Variants in ABCC2 observed in about 807,000 individuals in gnomAD.
ABCC2 encodes ATP-binding cassette sub-family C member 2.
A neutral mutation model predicts 173.4 loss-of-function variants in ABCC2; 157 were observed. The ratio of observed to expected loss-of-function variants is 0.91; its 90% CI spans 0.80 to 1.03. The LOEUF is 1.03. ABCC2 is among the 50% of genes least tolerant of loss of function. The pLI is 0.00. For synonymous variants in ABCC2, 657 were observed against 693.5 expected (o/e 0.95, Z 0.83); for missense variants, 1,822 against 1,852.3 (o/e 0.98, Z 0.30).
rs1564685768 is a variant in ABCC2, at chr10:99,814,650, C to CACACATATGTGTATATACACATAT, written c.2094+1511_2094+1512insTATGTGTATATACACATATACACA. ...ACACATATGTGTATATACACATATACACACACATATGTGTATATACACATA... is the reference window on the plus strand; with the variant it reads ...ACACATATGTGTATATACACATATACACACATATGTGTATATACACATATACACACATATGTGTATATACACATA... On this transcript the variant is annotated intron_variant, in intron 16 of 31. Transcript: ENST00000647814. 4.2e-4 allele frequency among the ~76,000 whole-genome samples: 33 copies of CACACATATGTGTATATACACATAT among 77,810 alleles called. 2 individuals are homozygous for CACACATATGTGTATATACACATAT. The highest frequency in any genetic ancestry group is 1.3e-3 in the East Asian group (2 of 1,538). 51.0% of individuals were successfully genotyped at this position (77,810 alleles called of 152,430 possible).
Position 99,834,404 on chromosome 10 carries a change from C to A in ABCC2, c.3283C>A (p.Leu1095Met). The change falls in exon 24 of 32, where the codon CTG (leucine) becomes ATG (methionine). Residue 1095 changes from leucine to methionine, a missense_variant. Leu to Met is a conservative substitution (Grantham distance 15, BLOSUM62 2). Coordinates refer to ENST00000647814, the MANE Select transcript of ABCC2 (RefSeq NM_000392.5). ...GGATATTTCCACAGTGGATGACACCCTGCCTCAGTCCTTGCGCAGCTGGAT... is the reference window on the plus strand; with the variant it reads ...GGATATTTCCACAGTGGATGACACCATGCCTCAGTCCTTGCGCAGCTGGAT... ...AGDISTVDDT[L>M]PQSLRSWITC... 6.2e-7 allele frequency: 1 copy of A among 1,614,176 alleles called. No individual in the cohort carries two copies. The highest frequency in any genetic ancestry group is 1.3e-5 in the African/African-American group (1 of 75,030).
Position 99,813,142 on chromosome 10 carries a change from A to G in ABCC2, c.2092A>G (p.Lys698Glu). 1 of 1,613,512 alleles carries G rather than the reference A, an allele frequency of 6.2e-7. No individual in the cohort carries two copies. Among genetic ancestry groups the G allele is most frequent in the Non-Finnish European group, 8.5e-7 (1 of 1,179,662 alleles). The change falls in exon 16 of 32, where the codon AAG becomes GAG. Residue 698 changes from lysine (K) to glutamate (E), a missense_variant and splice_region_variant. Transcript: ENST00000647814. The part of the protein sequence containing the change: ...MENVHGHITI[K>E]GTTAYVPQQS... The stretch of plus-strand genomic sequence containing the variant: ...AAATGTCCACGGGCACATCACCATC[A>G]AGGTGAGAGGGAATGCCAATGCAAA...
chr10:99,816,711 G>A (rs1189242550), intron 16 of ABCC2, among the ~76,000 whole-genome samples: 1 of 152,208 alleles, frequency 6.6e-6, no homozygotes, highest in Non-Finnish European at 1.5e-5. Flanking sequence ...AAGGTGAGCG[G>A]CGAGCGAGCA....
At chr10:99,826,807 C>G (rs1590178171) in intron 19 of ABCC2, among the ~76,000 whole-genome samples, 12 of 97,582 alleles carry the variant, frequency 1.2e-4, no homozygotes, top group African/African-American at 3.7e-4. Context: ...GCAATGGAAT[C>G]TAATAATGTC....
intron 24 of ABCC2, among the ~76,000 whole-genome samples, chr10:99,835,475 C>G (rs1207757196): frequency 6.6e-6 from 1 of 152,120 alleles, no homozygotes; most frequent in African/African-American, 2.4e-5. Flanking sequence ...ACCCATTCCA[C>G]TCCCCCTTGC....
At chr10:99,790,106 G>C (rs1357796778) in intron 2 of ABCC2, among the ~76,000 whole-genome samples, 1 of 152,120 alleles carries the variant, frequency 6.6e-6, no homozygotes, top group Non-Finnish European at 1.5e-5. Context: ...GTGTCTATAG[G>C]ATAAATTCCC....
intron 6 of ABCC2, among the ~76,000 whole-genome samples, chr10:99,795,429 T>A (rs1048004904): frequency 2.0e-5 from 3 of 152,274 alleles, no homozygotes; most frequent in African/African-American, 7.2e-5. Flanking sequence ...CCTGGCATGG[T>A]AGCTCATGCC....
At chr10:99,828,050 T>C (rs1201179535) in intron 19 of ABCC2, among the ~76,000 whole-genome samples, 2 of 148,000 alleles carry the variant, frequency 1.4e-5, no homozygotes, top group Admixed American at 6.7e-5. Context: ...GTTCTCTGAG[T>C]TATTGCTCAG....
intron 19 of ABCC2, 77 bp from the exon 20 acceptor site, chr10:99,830,230 A>C: frequency 6.3e-7 from 1 of 1,588,274 alleles, no homozygotes; most frequent in Admixed American, 1.7e-5. Context: ...AGATCAGAGG[A>C]GGCTTCTCTC....
chr10:99,814,328 TAC>T (rs1171928853), intron 16 of ABCC2, among the ~76,000 whole-genome samples: 6 of 142,032 alleles, frequency 4.2e-5, no homozygotes, highest in Admixed American at 2.0e-4. Flanking sequence ...CACGTATGTA[TAC>T]ACACATGTAT....
At chr10:99,796,112 C>G (rs981531676) in intron 6 of ABCC2, among the ~76,000 whole-genome samples, 2 of 152,340 alleles carry the variant, frequency 1.3e-5, no homozygotes, top group African/African-American at 4.8e-5. Context: ...CCTGTAATCC[C>G]AGCACCTTGG....
chr10:99,838,112 C>T (rs1346610121), intron 25 of ABCC2, among the ~76,000 whole-genome samples: 43 of 86,760 alleles, frequency 5.0e-4, no homozygotes, highest in Admixed American at 1.3e-3. Flanking sequence ...GCTGACCCCC[C>T]CCACCTCCCT....
At position 99,804,195 on chromosome 10, in the gene ABCC2, A is replaced by G. The variant is rs2038059829; in HGVS notation, c.1386A>G (p.Ser462=). Residue 462 remains serine, a synonymous_variant, in exon 10 of 32, where the codon TCA becomes TCG. Coordinates refer to ENST00000647814, the MANE Select transcript of ABCC2 (RefSeq NM_000392.5). ...TCCTATGGAGAGAGTTGGGACCCTC[A>G]GTCTTAGCAGGTGTTGGGGTGATGG... ...IFFLWRELGP[S]VLAGVGVMVL... The G allele has an allele frequency of 6.2e-7, 1 of 1,614,048 alleles. No homozygotes were observed. The highest frequency in any genetic ancestry group is 8.5e-7 in the Non-Finnish European group (1 of 1,180,020).
chr10:99,851,448 C>T, intron 31 of ABCC2, 54 bp from the exon 32 acceptor site: 1 of 1,609,986 alleles, frequency 6.2e-7, no homozygotes, highest in South Asian at 1.1e-5. Context: ...TTATAAATGC[C>T]TAGACTTGAG....
chr10:99,822,290 G>A (rs1475105537), intron 19 of ABCC2, among the ~76,000 whole-genome samples: 1 of 151,978 alleles, frequency 6.6e-6, no homozygotes, highest in Non-Finnish European at 1.5e-5. Flanking sequence ...GTGTTCTCTA[G>A]ATATTTTGTA....
chr10:99,839,062 C>A (rs1415758030), intron 25 of ABCC2, among the ~76,000 whole-genome samples: 50 of 136,374 alleles, frequency 3.7e-4, no homozygotes, highest in African/African-American at 1.3e-3. Context: ...ACCTCCCGGA[C>A]GGGGCGGCTG....
rs371866713 is a variant in ABCC2, at chr10:99,799,313, C to G, written c.974C>G (p.Ser325Ter). The change falls in exon 8 of 32, where the codon TCA becomes TGA. Residue 325 changes from serine (S) to a stop codon, truncating the protein, a stop_gained. Coordinates refer to ENST00000647814, the MANE Select transcript of ABCC2 (RefSeq NM_000392.5). LOFTEE classifies it high-confidence loss of function. ...FKTFYMVLLKSFLLKLVNDIF... is the reference protein window; with the variant it reads ...FKTFYMVLLK Reference sequence around the variant, plus strand: ...ACTTTCTACATGGTGCTCCTGAAATCATTCCTACTGAAGCTAGTGAATGAC... The same window carrying G: ...ACTTTCTACATGGTGCTCCTGAAATGATTCCTACTGAAGCTAGTGAATGAC... 2.1e-5 allele frequency: 34 copies of G among 1,614,056 alleles called. No individual in the cohort carries two copies. The African/African-American group carries it at 4.3e-4, about 20-fold the overall frequency.
Position 99,851,958 on chromosome 10 carries a change from CT to C in ABCC2, c.*333del, listed in dbSNP as rs1590196647. 8.6e-6 allele frequency: 2 copies of C among 231,552 alleles called. No individual in the cohort carries two copies. Among genetic ancestry groups the C allele is most frequent in the East Asian group, 1.1e-4 (1 of 9,360 alleles). The allele number at this position is 231,552 out of a possible 1,614,324, so 14.3% of individuals were successfully genotyped here. On this transcript the variant is annotated 3_prime_UTR_variant, in exon 32 of 32. Coordinates refer to ENST00000647814, the MANE Select transcript of ABCC2 (RefSeq NM_000392.5). ...TATGTATCTTTAAACAACATATACCCTTTTTTACTTATGTAAATGGACTGAC... is the reference window on the plus strand; with the variant it reads ...TATGTATCTTTAAACAACATATACCCTTTTTACTTATGTAAATGGACTGAC...
rs1165590388 is a variant in ABCC2 at position 99,814,773 on chromosome 10, G to GTATGTGTATA, written c.2094+1630_2094+1631insATGTGTATAT. Among the ~76,000 whole-genome samples, 67 of 126,524 alleles carry GTATGTGTATA rather than the reference G, an allele frequency of 5.3e-4. 1 individual carries two copies. The highest frequency in any genetic ancestry group is 2.1e-3 in the African/African-American group (60 of 28,658). The allele number at this position is 126,524 out of a possible 152,430, so 83.0% of individuals were successfully genotyped here. ...TGTATATACACACACATATATGTGT[G>GTATGTGTATA]TGTATGTATATACACACACACATAT... is the stretch of plus-strand genomic sequence containing the variant. On this transcript the variant is annotated intron_variant, in intron 16 of 31. Coordinates refer to ENST00000647814, the MANE Select transcript of ABCC2 (RefSeq NM_000392.5).
Sources: gnomAD v4.1 joint callset for allele counts (sites outside exome capture counted in the v4.1 genomes callset) on GRCh38, gnomAD v4.1.1 for gene constraint, MANE v1.5 for transcripts, NCBI Gene and HGNC (gene_info 2026-07-23, HGNC 2026-07-21) for gene names.